Variants in TSC2 observed in about 807,000 individuals in gnomAD.
The protein encoded by TSC2 is TSC complex subunit 2.
In TSC2, 29 loss-of-function variants were observed where a neutral mutation model predicts 202.2. That is an observed-to-expected ratio of 0.14 (90% CI 0.11 to 0.20). TSC2 has a LOEUF of 0.20. Ranked by LOEUF, TSC2 falls within the 10% of genes least tolerant of loss-of-function variation. The probability of loss-of-function intolerance (pLI) is 1.00; values close to 1 mark genes in which losing one functional copy is unlikely to be tolerated. For synonymous variants in TSC2, 1,349 were observed against 1,044.0 expected, an observed-to-expected ratio of 1.29 and a Z score of -5.63; for missense variants, 2,429 against 2,420.0, an observed-to-expected ratio of 1.00 and a Z score of -0.08.
intron 16 of TSC2, among the ~76,000 whole-genome samples, chr16:2,067,829 C>A (rs1273422077): frequency 6.6e-6 from 1 of 152,138 alleles, no homozygotes; most frequent in Non-Finnish European, 1.5e-5. Flanking sequence ...CACATGAGCA[C>A]CATGCTCTTT....
rs747420910 is a variant in TSC2 at position 2,079,645 on chromosome 16, C to G, written c.3373C>G (p.Arg1125Gly). The G allele has an allele frequency of 6.2e-7, 1 of 1,603,748 alleles. No homozygotes were observed. Among genetic ancestry groups the G allele is most frequent in the Non-Finnish European group, 8.5e-7 (1 of 1,176,134 alleles). Residue 1125 changes from arginine (R) to glycine (G), a missense_variant, in exon 29 of 42, where the codon CGG becomes GGG. Coordinates refer to ENST00000219476, the MANE Select transcript of TSC2 (RefSeq NM_000548.5). This position sits in a 1 kb window ranked among gnomAD's most constrained non-coding sequence, Gnocchi z 4.6. ...QAGQQVSRGARDRVRSMSGGH... is the reference protein window; with the variant it reads ...QAGQQVSRGAGDRVRSMSGGH... ...TGGGCAGCAGGTGTCCCGTGGGGCC[C>G]GGGATCGGGTCCGTTCCATGTCGGG...
chr16:2,064,102 C>T, intron 14 of TSC2, 170 bp from the exon 15 acceptor site: 2 of 1,093,260 alleles, frequency 1.8e-6, no homozygotes, highest in Non-Finnish European at 2.7e-6. Context: ...GGAAGGGGCC[C>T]CGGGGTCTCT....
chr16:2,056,335 G>A (rs539332756), intron 7 of TSC2, 91 bp downstream of exon 7: 335 of 1,558,122 alleles, frequency 2.2e-4, no homozygotes, highest in Non-Finnish European at 2.7e-4. Flanking sequence ...GCCACCTGCT[G>A]GCTGTGTAGC....
At position 2,088,560 on chromosome 16, in the gene TSC2, C is replaced by T; in HGVS notation, c.5374C>T (p.Gln1792Ter). ...GCCCACACCTGGCTATGAGGTGGGC[C>T]AGCGGAAGCGCCTCATCTCCTCGGT... ...AEPTPGYEVG[Q>*]RKRLISSVED... The change falls in exon 42 of 42, where the codon CAG becomes TAG. Residue 1792 changes from glutamine (Q) to a stop codon, truncating the protein, a stop_gained. Transcript: ENST00000219476. LOFTEE classifies it high-confidence loss of function. 1 of 1,610,840 alleles carries T rather than the reference C, an allele frequency of 6.2e-7. No homozygotes were observed. The highest frequency in any genetic ancestry group is 8.5e-7 in the Non-Finnish European group (1 of 1,179,926).
intron 34 of TSC2, 111 bp from the exon 35 acceptor site, chr16:2,084,840 C>A (rs1356027423): frequency 6.2e-7 from 1 of 1,600,378 alleles, no homozygotes; most frequent in African/African-American, 1.3e-5. Context: ...GGCTGGAACC[C>A]CTGGGAGGGC....
intron 30 of TSC2, chr16:2,080,970 C>T (rs1001312446): frequency 5.8e-6 from 1 of 172,170 alleles, no homozygotes; most frequent in African/African-American, 2.4e-5. Context: ...GGCCTCAATC[C>T]TTGGCATGCA....
chr16:2,072,760 G>T (rs1769442308), intron 20 of TSC2, 89 bp from the exon 21 acceptor site: 4 of 1,603,418 alleles, frequency 2.5e-6, no homozygotes, highest in Non-Finnish European at 1.7e-6. Flanking sequence ...CCTTTCCTGG[G>T]CCTGCGTTCC....
At chr16:2,065,384 G>C (rs557418466) in intron 15 of TSC2, 135 bp from the exon 16 acceptor site, 28 of 796,156 alleles carry the variant, frequency 3.5e-5, no homozygotes, top group Non-Finnish European at 5.4e-5. Context: ...CCGCACTCCA[G>C]CCTGGGCGAC....
intron 16 of TSC2, among the ~76,000 whole-genome samples, chr16:2,069,162 G>A (rs929476690): frequency 1.3e-5 from 2 of 152,176 alleles, no homozygotes; most frequent in Non-Finnish European, 2.9e-5. Context: ...TAGTGGGCCC[G>A]GCAGGGCGGC....
rs2089593888 is a variant in TSC2 at position 2,077,691 on chromosome 16, C to T, written c.2931C>T (p.Cys977=). The part of the protein sequence containing the change: ...KESSAAEAFR[C]RSISVSEHVV... Reference sequence around the variant, plus strand: ...GCTCTGCAGCCGAGGCCTTCCGGTGCCGCAGCATCAGTGTGTCTGAACATG... The same window carrying T: ...GCTCTGCAGCCGAGGCCTTCCGGTGTCGCAGCATCAGTGTGTCTGAACATG... Residue 977 remains cysteine, a synonymous_variant, in exon 26 of 42, where the codon TGC becomes TGT. Coordinates refer to ENST00000219476, the MANE Select transcript of TSC2 (RefSeq NM_000548.5). The T allele has an allele frequency of 6.2e-7, 1 of 1,613,044 alleles. No individual in the cohort carries two copies. Among genetic ancestry groups the T allele is most frequent in the Non-Finnish European group, 8.5e-7 (1 of 1,180,030 alleles).
intron 15 of TSC2, 166 bp from the exon 16 acceptor site, chr16:2,065,353 T>C (rs1408879299): frequency 1.7e-5 from 11 of 655,174 alleles, no homozygotes. Flanking sequence ...GCGGAGCTTG[T>C]AGTGAGCTGA....
rs1567379910 is a variant in TSC2, at chr16:2,048,580, T to G, written c.-29-7T>G. 6.2e-7 allele frequency: 1 copy of G among 1,613,514 alleles called. No homozygotes were observed. The highest frequency in any genetic ancestry group is 2.2e-5 in the East Asian group (1 of 44,876). On this transcript the variant is annotated splice_polypyrimidine_tract_variant and splice_region_variant and intron_variant, in intron 1 of 41. Coordinates refer to ENST00000219476, the MANE Select transcript of TSC2 (RefSeq NM_000548.5). ...CAGATGTCCCCATTCCTGTTTCGTT[T>G]GCACAGAGGGGTTTTCTGGTGCGTC...
At chr16:2,076,258 G>A in intron 24 of TSC2, 88 bp downstream of exon 24, 1 of 1,589,182 alleles carries the variant, frequency 6.3e-7, no homozygotes, top group South Asian at 1.1e-5. Flanking sequence ...AGAGTGACAG[G>A]CAGGTGGAGG....
intron 30 of TSC2, chr16:2,081,333 G>A: frequency 1.8e-6 from 1 of 543,088 alleles, no homozygotes; most frequent in South Asian, 2.0e-5. Context: ...CCTCGTGGAG[G>A]CCTTGGGTCC....
intron 5 of TSC2, 136 bp downstream of exon 5, chr16:2,054,576 C>G (rs927124030): frequency 3.1e-6 from 4 of 1,279,518 alleles, no homozygotes; most frequent in Non-Finnish European, 4.5e-6. Flanking sequence ...CTGCTTCATG[C>G]ACCTGGGCTC....
chr16:2,057,253 A>G, intron 9 of TSC2, 75 bp downstream of exon 9: 1 of 1,511,858 alleles, frequency 6.6e-7, no homozygotes, highest in Non-Finnish European at 9.0e-7. Flanking sequence ...TCCCTTGCCA[A>G]GCACACACTG....
rs376130860 is a variant in TSC2 at position 2,080,120 on chromosome 16, G to A, written c.3398-45G>A. On this transcript the variant is annotated intron_variant, in intron 29 of 41. Coordinates refer to ENST00000219476, the MANE Select transcript of TSC2 (RefSeq NM_000548.5). ...CATTCAGCTTGAGGCTGGTGGTTTT[G>A]CATCAGGTAAGTGGTGGTCACCAGT... The A allele has an allele frequency of 1.2e-5, 20 of 1,608,708 alleles. No individual in the cohort carries two copies. In the African/African-American group the frequency reaches 2.7e-4, roughly 21 times the overall value.
At chr16:2,072,688 C>T (rs995103047) in intron 20 of TSC2, 161 bp from the exon 21 acceptor site, 1 of 1,207,110 alleles carries the variant, frequency 8.3e-7, no homozygotes, top group African/African-American at 1.5e-5. Flanking sequence ...GGCACTCCCA[C>T]CACTCCGAAA....
Position 2,079,563 on chromosome 16 carries a change from C to T in TSC2, c.3291C>T (p.Ser1097=), listed in dbSNP as rs1173297358. The part of the protein sequence containing the change: ...ELQSGPESSS[S]PGVHVRQTKE... ...CGTGGGATTCTCTTCTCAGCTCCAG[C>T]CCCGGGGTGCATGTGAGACAGACCA... The change falls in exon 29 of 42, where the codon AGC becomes AGT. Residue 1097 remains serine, a synonymous_variant. Transcript: ENST00000219476. This position sits in a 1 kb window ranked among gnomAD's most constrained non-coding sequence, Gnocchi z 4.6. The T allele has an allele frequency of 1.9e-6, 3 of 1,610,220 alleles. No homozygotes were observed. The highest frequency in any genetic ancestry group is 1.7e-5 in the Admixed American group (1 of 59,652).
Sources: gnomAD v4.1 joint callset for allele counts (sites outside exome capture counted in the v4.1 genomes callset) on GRCh38, gnomAD v4.1.1 for gene constraint, Gnocchi (gnomAD v3.1) non-coding constraint, MANE v1.5 for transcripts, NCBI Gene and HGNC (gene_info 2026-07-23, HGNC 2026-07-21) for gene names.